Variants in AURKC observed in about 807,000 individuals in gnomAD.
The protein encoded by AURKC is ARK-3.
In AURKC, 15 loss-of-function variants were observed where a neutral mutation model predicts 29.2. The observed-to-expected ratio is 0.51, with a 90% CI of 0.34 to 0.79. The LOEUF (loss-of-function observed/expected upper bound fraction) is 0.79, where lower values mean the gene tolerates loss of function less well. Ranked by LOEUF, AURKC falls within the 30% of genes least tolerant of loss-of-function variation. AURKC has a pLI of 0.01. For missense variants in AURKC, 332 were observed against 383.2 expected (o/e 0.87, Z 1.12); for synonymous variants, 150 against 149.9 (o/e 1.00, Z -0.01).
At chr19:57,234,220 G>C (rs2087524574) in intron 5 of AURKC, among the ~76,000 whole-genome samples, 1 of 151,612 alleles carries the variant, frequency 6.6e-6, no homozygotes, top group Admixed American at 6.6e-5. Context: ...ATCACACCCG[G>C]CTGATTTTGT....
At position 57,231,037 on chromosome 19, in the gene AURKC, G is replaced by T. The variant is rs1191923301; in HGVS notation, c.-212G>T. The T allele has an allele frequency of 8.6e-7, 1 of 1,161,980 alleles. No homozygotes were observed. Among genetic ancestry groups the T allele is most frequent in the Non-Finnish European group, 1.3e-6 (1 of 791,506 alleles). 72.0% of individuals were successfully genotyped at this position (1,161,980 alleles called of 1,614,324 possible). On this transcript the variant is annotated 5_prime_UTR_variant, in exon 1 of 7. Transcript: ENST00000302804. ...AGTACCTCTCTGAGCGGTTGGTGCC[G>T]GGTATAAAAGAAGGCCGCGCAGCCA... is the stretch of plus-strand genomic sequence containing the variant.
In AURKC at chr19:57,231,803, T is replaced by A. The variant is rs756353531; in HGVS notation, c.104+16T>A. ...GCCCAGCCATGTGAGTCCCTTGGGA[T>A]TGGTATCTGGAAAAGGAAGGAAGGT... On this transcript the variant is annotated intron_variant, in intron 2 of 6. Coordinates refer to ENST00000302804, the MANE Select transcript of AURKC (RefSeq NM_001015878.2). 9.3e-6 allele frequency: 15 copies of A among 1,613,506 alleles called. No individual in the cohort carries two copies. The highest frequency in any genetic ancestry group is 2.2e-5 in the East Asian group (1 of 44,854).
At chr19:57,231,462 C>T (rs893726669) in intron 1 of AURKC, 156 bp downstream of exon 1, 2 of 904,054 alleles carry the variant, frequency 2.2e-6, no homozygotes, top group Admixed American at 2.0e-5. Flanking sequence ...CCAATTCTTT[C>T]TTTCACCTCT....
chr19:57,231,925 G>A, intron 2 of AURKC, 108 bp from the exon 3 acceptor site: 8 of 1,602,226 alleles, frequency 5.0e-6, no homozygotes, highest in African/African-American at 2.7e-5. Context: ...AAGGGAAAGC[G>A]GCAGAGGAAG....
At position 57,231,319 on chromosome 19, in the gene AURKC, G is replaced by A. The variant is rs1470854960; in HGVS notation, c.58+13G>A. On this transcript the variant is annotated intron_variant, in intron 1 of 6. Transcript: ENST00000302804. ...GCAGGCGAAGAGTGTGAGAGCCAGC[G>A]CCAGAGAAAGGACGCAGGGAAGGCT... The A allele has an allele frequency of 2.3e-5, 36 of 1,552,406 alleles. No homozygotes were observed. Among genetic ancestry groups the A allele is most frequent in the Non-Finnish European group, 3.1e-5 (36 of 1,147,544 alleles).
At position 57,232,803 on chromosome 19, in the gene AURKC, T is replaced by C; in HGVS notation, c.435+123T>C. 7.6e-7 allele frequency: 1 copy of C among 1,322,566 alleles called. No individual in the cohort carries two copies. Among genetic ancestry groups the C allele is most frequent in the Non-Finnish European group, 1.1e-6 (1 of 936,746 alleles). The allele number at this position is 1,322,566 out of a possible 1,614,324, so 81.9% of individuals were successfully genotyped here. ...AGAAGTTTACTTCTGAATGTTATTG[T>C]GTAAATTTAATATAATGGCACGTAT... On this transcript the variant is annotated intron_variant, in intron 4 of 6. Coordinates refer to ENST00000302804, the MANE Select transcript of AURKC (RefSeq NM_001015878.2). The surrounding 1 kb of genome is among the most constrained non-coding windows in gnomAD (Gnocchi z 4.5).
intron 5 of AURKC, among the ~76,000 whole-genome samples, chr19:57,234,580 T>C (rs574233777): frequency 3.3e-5 from 5 of 152,344 alleles, no homozygotes; most frequent in Middle Eastern, 6.8e-3. Context: ...TTGGCTCTCA[T>C]TGATACACCA....
chr19:57,231,183 C>T lies in AURKC; in HGVS notation c.-66C>T. On this transcript the variant is annotated 5_prime_UTR_variant, in exon 1 of 7. Transcript: ENST00000302804. ...AAGTGACCCCCCACCCCTTTCAGGA[C>T]CCTGTGAACGGGAACAGCCATCCAG... The T allele has an allele frequency of 3.9e-6, 6 of 1,551,460 alleles. No homozygotes were observed. The highest frequency in any genetic ancestry group is 5.2e-6 in the Non-Finnish European group (6 of 1,146,906).
At position 57,234,135 on chromosome 19, in the gene AURKC, GC is replaced by G. The variant is rs1395431621; in HGVS notation, c.584+528del. Among the ~76,000 whole-genome samples, 4 of 127,826 alleles carry G rather than the reference GC, an allele frequency of 3.1e-5. No individual in the cohort carries two copies. In the East Asian group the frequency reaches 9.3e-4, roughly 30 times the overall value. The allele number at this position is 127,826 out of a possible 152,430, so 83.9% of individuals were successfully genotyped here. ...TGCAATAGTGTGATCTCGGCTCACT[GC>G]AACCTCCCCCTCCCAGGTTCAAGCG... On this transcript the variant is annotated intron_variant, in intron 5 of 6. Coordinates refer to ENST00000302804, the MANE Select transcript of AURKC (RefSeq NM_001015878.2).
At position 57,231,217 on chromosome 19, in the gene AURKC, G is replaced by A. The variant is rs1400853588; in HGVS notation, c.-32G>A. 10 of 1,551,708 alleles carry A rather than the reference G, an allele frequency of 6.4e-6. No individual in the cohort carries two copies. The highest frequency in any genetic ancestry group is 8.7e-6 in the Non-Finnish European group (10 of 1,146,990). On this transcript the variant is annotated 5_prime_UTR_variant, in exon 1 of 7. Transcript: ENST00000302804. ...CGGGAACAGCCATCCAGAGGGTTCAGGAAGGCGTCCGCGCCCTCACCTCTT... is the reference window on the plus strand; with the variant it reads ...CGGGAACAGCCATCCAGAGGGTTCAAGAAGGCGTCCGCGCCCTCACCTCTT...
chr19:57,233,768 G>A (rs1432892802), intron 5 of AURKC, among the ~76,000 whole-genome samples, 160 bp downstream of exon 5: 2 of 149,004 alleles, frequency 1.3e-5, no homozygotes, highest in African/African-American at 5.0e-5. Context: ...TTTTTTTTGA[G>A]ACAGAGTCTA....
rs1433221592 is a variant in AURKC at position 57,233,501 on chromosome 19, C to A, written c.477C>A (p.Asp159Glu). 1 of 1,614,042 alleles carries A rather than the reference C, an allele frequency of 6.2e-7. No individual in the cohort carries two copies. ...ELADALTYCH[D>E]KKVIHRDIKP... The stretch of plus-strand genomic sequence containing the variant: ...CAGATGCCCTGACCTACTGCCATGA[C>A]AAGAAAGTGATTCACAGAGATATTA... The change falls in exon 5 of 7, where the codon GAC becomes GAA. Residue 159 changes from aspartate to glutamate, a missense_variant. Asp to Glu is a conservative substitution (Grantham distance 45). Coordinates refer to ENST00000302804, the MANE Select transcript of AURKC (RefSeq NM_001015878.2).
chr19:57,234,053 C>CTTTTTTTTTT (rs10586926), intron 5 of AURKC, among the ~76,000 whole-genome samples: 1 of 112,628 alleles, frequency 8.9e-6, no homozygotes, highest in Non-Finnish European at 1.8e-5. Flanking sequence ...TTTTTCTTTT[C>CTTTTTTTTTT]TTTTTTTTTT....
chr19:57,231,081 C>G lies in AURKC; in HGVS notation c.-168C>G. 2 of 1,485,754 alleles carry G rather than the reference C, an allele frequency of 1.3e-6. No homozygotes were observed. The highest frequency in any genetic ancestry group is 1.8e-6 in the Non-Finnish European group (2 of 1,086,156). 92.0% of individuals were successfully genotyped at this position (1,485,754 alleles called of 1,614,324 possible). ...GCAGCCACGGCTGCTCACGACGCCG[C>G]GGATCCCGAAGCCTGTGTAGCAGTG... On this transcript the variant is annotated 5_prime_UTR_variant, in exon 1 of 7. Coordinates refer to ENST00000302804, the MANE Select transcript of AURKC (RefSeq NM_001015878.2).
chr19:57,232,210 C>T lies in AURKC; in HGVS notation c.282C>T (p.Ile94=). 6.2e-7 allele frequency: 1 copy of T among 1,613,974 alleles called. No homozygotes were observed. Among genetic ancestry groups the T allele is most frequent in the Non-Finnish European group, 8.5e-7 (1 of 1,180,034 alleles). Residue 94 remains isoleucine, a synonymous_variant, in exon 3 of 7, where the codon ATC becomes ATT. Transcript: ENST00000302804. The surrounding 1 kb of genome is among the most constrained non-coding windows in gnomAD (Gnocchi z 4.5). Reference sequence around the variant, plus strand: ...ACCAGCTGCGCCGGGAAATTGAGATCCAGGCTCATCTACAGTAAGGACAGT... The same window carrying T: ...ACCAGCTGCGCCGGGAAATTGAGATTCAGGCTCATCTACAGTAAGGACAGT... ...LEHQLRREIE[I]QAHLQHPNIL...
chr19:57,232,565 A>T lies in AURKC; in HGVS notation c.320A>T (p.Tyr107Phe), dbSNP rs1039212821. 5 of 1,614,080 alleles carry T rather than the reference A, an allele frequency of 3.1e-6. No individual in the cohort carries two copies. The African/African-American group carries it at 5.3e-5, about 17-fold the overall frequency. The stretch of plus-strand genomic sequence containing the variant: ...AGACACCCCAATATCCTGCGCCTGT[A>T]TAACTATTTCCATGATGCACGCCGG... ...HLQHPNILRLYNYFHDARRVY... is the reference protein window; with the variant it reads ...HLQHPNILRLFNYFHDARRVY... Residue 107 changes from tyrosine to phenylalanine, a missense_variant, in exon 4 of 7, where the codon TAT (tyrosine) becomes TTT (phenylalanine). Physicochemically the swap from Tyr to Phe is conservative, Grantham distance 22. Transcript: ENST00000302804. The surrounding 1 kb of genome is among the most constrained non-coding windows in gnomAD (Gnocchi z 4.5).
chr19:57,232,209 T>G lies in AURKC; in HGVS notation c.281T>G (p.Ile94Ser). ...LEHQLRREIE[I>S]QAHLQHPNIL... ...CACCAGCTGCGCCGGGAAATTGAGATCCAGGCTCATCTACAGTAAGGACAG... is the reference window on the plus strand; with the variant it reads ...CACCAGCTGCGCCGGGAAATTGAGAGCCAGGCTCATCTACAGTAAGGACAG... The change falls in exon 3 of 7, where the codon ATC becomes AGC. Residue 94 changes from isoleucine (I) to serine (S), a missense_variant. Coordinates refer to ENST00000302804, the MANE Select transcript of AURKC (RefSeq NM_001015878.2). The surrounding 1 kb of genome is among the most constrained non-coding windows in gnomAD (Gnocchi z 4.5). The G allele has an allele frequency of 6.2e-7, 1 of 1,613,992 alleles. No individual in the cohort carries two copies. Among genetic ancestry groups the G allele is most frequent in the Non-Finnish European group, 8.5e-7 (1 of 1,180,034 alleles).
In AURKC at chr19:57,231,299, C is replaced by T; in HGVS notation, c.51C>T (p.Gly17=). The T allele has an allele frequency of 1.9e-6, 3 of 1,553,002 alleles. No homozygotes were observed. Among genetic ancestry groups the T allele is most frequent in the South Asian group, 1.2e-5 (1 of 84,126 alleles). ...VVQLGKAQPA[G]EELATANQTA... ...AGCTGGGCAAAGCTCAACCTGCAGGCGAAGAGTGTGAGAGCCAGCGCCAGA... is the reference window on the plus strand; with the variant it reads ...AGCTGGGCAAAGCTCAACCTGCAGGTGAAGAGTGTGAGAGCCAGCGCCAGA... The change falls in exon 1 of 7, where the codon GGC becomes GGT. Residue 17 remains glycine, a synonymous_variant. Coordinates refer to ENST00000302804, the MANE Select transcript of AURKC (RefSeq NM_001015878.2).
intron 5 of AURKC, among the ~76,000 whole-genome samples, chr19:57,234,388 A>G (rs973148275): frequency 3.3e-5 from 5 of 152,174 alleles, no homozygotes; most frequent in Admixed American, 1.3e-4. Context: ...TATACTTGAT[A>G]TGTATTCGTA....
Sources: allele counts gnomAD v4.1 joint callset (sites outside exome capture counted in the v4.1 genomes callset), GRCh38; gene constraint gnomAD v4.1.1; non-coding constraint Gnocchi (gnomAD v3.1); transcripts MANE v1.5; gene names NCBI Gene and HGNC (gene_info 2026-07-23, HGNC 2026-07-21).